MYO3A: variants seen among roughly 807,000 people sequenced by gnomAD.
MYO3A encodes the protein myosin IIIA.
In MYO3A, 180 loss-of-function variants were observed where a neutral mutation model predicts 192.7. That is an observed-to-expected ratio of 0.93 (90% CI 0.83 to 1.06). The LOEUF is 1.06. Among genes scored for constraint, MYO3A ranks in the 50% least tolerant of loss-of-function variants. The pLI is 0.00. For synonymous variants in MYO3A, 628 were observed against 645.3 expected, an observed-to-expected ratio of 0.97 and a Z score of 0.41; for missense variants, 1,896 against 1,905.0, an observed-to-expected ratio of 1.00 and a Z score of 0.09.
chr10:26,015,444 A>G (rs1209910222), intron 6 of MYO3A, among the ~76,000 whole-genome samples: 1 of 152,132 alleles, frequency 6.6e-6, no homozygotes, highest in Non-Finnish European at 1.5e-5. Flanking sequence ...GATTTATGTC[A>G]ATCATTTTAA....
intron 18 of MYO3A, among the ~76,000 whole-genome samples, chr10:26,123,422 A>G (rs1295455408): frequency 6.6e-6 from 1 of 152,228 alleles, no homozygotes; most frequent in Admixed American, 6.5e-5. Flanking sequence ...AACAGAAGTT[A>G]CCAATAAAAA....
intron 30 of MYO3A, among the ~76,000 whole-genome samples, chr10:26,175,659 C>T (rs1327475843): frequency 6.6e-6 from 1 of 152,136 alleles, no homozygotes; most frequent in Non-Finnish European, 1.5e-5. Context: ...TTTAATTTAC[C>T]CATCCCCTTC....
rs566868385 is a variant in MYO3A, at chr10:26,209,321, G to A, written c.4731-2522G>A. Among the ~76,000 whole-genome samples the A allele has an allele frequency of 3.3e-3, 506 of 152,226 alleles. 3 individuals are homozygous for A. The highest frequency in any genetic ancestry group is 0.013 in the South Asian group (63 of 4,818). On this transcript the variant is annotated intron_variant, in intron 34 of 34. Transcript: ENST00000642920. ...CACCTTGAATGTTTGTTCTCTTTAC[G>A]AAATCATTTCTGGCAATTAGTGAAC...
rs568834658 is a variant in MYO3A, at chr10:26,143,288, G to A, written c.2263-160G>A. Among the ~76,000 whole-genome samples the A allele has an allele frequency of 3.9e-5, 6 of 152,196 alleles. No individual in the cohort carries two copies. The South Asian group carries it at 1.2e-3, about 32-fold the overall frequency. ...AGAGGTTGCAGTGAGCCTAGATTGC[G>A]CCAATATACTCCAGCCTGGACGACA... On this transcript the variant is annotated intron_variant, in intron 20 of 34. Transcript: ENST00000642920.
At chr10:26,191,291 T>C (rs898531982) in intron 31 of MYO3A, among the ~76,000 whole-genome samples, 1 of 152,188 alleles carries the variant, frequency 6.6e-6, no homozygotes, top group Non-Finnish European at 1.5e-5. Flanking sequence ...TTTATGATGG[T>C]GGCAAGAATT....
At chr10:25,999,702 G>T (rs964916796) in intron 6 of MYO3A, among the ~76,000 whole-genome samples, 2 of 152,160 alleles carry the variant, frequency 1.3e-5, no homozygotes, top group Non-Finnish European at 2.9e-5. Flanking sequence ...TTAGATAGCT[G>T]TCAGGCACCT....
intron 4 of MYO3A, among the ~76,000 whole-genome samples, chr10:25,963,939 ACATTT>A (rs1305387439): frequency 6.6e-6 from 1 of 152,194 alleles, no homozygotes; most frequent in East Asian, 1.9e-4. Context: ...ATAGGCATGC[ACATTT>A]ATAGTGTTAC....
At chr10:26,122,682 C>G (rs1268909735) in intron 18 of MYO3A, among the ~76,000 whole-genome samples, 1 of 152,094 alleles carries the variant, frequency 6.6e-6, no homozygotes, top group African/African-American at 2.4e-5. Context: ...CTCAGTCTCC[C>G]CCTTTCCCTC....
intron 10 of MYO3A, among the ~76,000 whole-genome samples, chr10:26,048,179 T>G (rs908357359): frequency 1.3e-5 from 2 of 152,202 alleles, no homozygotes; most frequent in Non-Finnish European, 2.9e-5. Context: ...CCTCATTCCT[T>G]ACTGCCAGGA....
intron 20 of MYO3A, among the ~76,000 whole-genome samples, chr10:26,131,186 ATAAC>A (rs1221737763): frequency 6.6e-6 from 1 of 152,264 alleles, no homozygotes; most frequent in Non-Finnish European, 1.5e-5. Context: ...TGGAACATAA[ATAAC>A]AGTCTGCTGA....
At chr10:26,205,608 CTTTTTTTTTTTTTTTT>C (rs576007724) in intron 34 of MYO3A, among the ~76,000 whole-genome samples, 6 of 68,632 alleles carry the variant, frequency 8.7e-5, no homozygotes, top group Non-Finnish European at 1.3e-4. Context: ...CTTTTCTTTT[CTTTTTTTTTTTTTTTT>C]TTTTTTTTTT....
chr10:26,088,332 T>C lies in MYO3A; in HGVS notation c.1489T>C (p.Ser497Pro). Reference sequence around the variant, plus strand: ...AAAATACTTAGAAATGAAATTCACCTCTTCTGGAGCGGTAGTGGGAGCACA... The same window carrying C: ...AAAATACTTAGAAATGAAATTCACCCCTTCTGGAGCGGTAGTGGGAGCACA... ...FGKYLEMKFT[S>P]SGAVVGAQIS... Residue 497 changes from serine to proline, a missense_variant, in exon 15 of 35, where the codon TCT becomes CCT. Physicochemically the swap from Ser to Pro is moderately conservative, Grantham distance 74. Coordinates refer to ENST00000642920, the MANE Select transcript of MYO3A (RefSeq NM_017433.5). 2 of 1,613,924 alleles carry C rather than the reference T, an allele frequency of 1.2e-6. No individual in the cohort carries two copies. Among genetic ancestry groups the C allele is most frequent in the Non-Finnish European group, 1.7e-6 (2 of 1,179,894 alleles).
At chr10:26,047,516 G>A (rs1361818152) in intron 10 of MYO3A, among the ~76,000 whole-genome samples, 11 of 152,198 alleles carry the variant, frequency 7.2e-5, no homozygotes, top group Admixed American at 3.9e-4. Flanking sequence ...GCTCACGCCT[G>A]TAATCCCAGC....
chr10:26,121,364 A>G (rs1268611009), intron 18 of MYO3A, among the ~76,000 whole-genome samples: 3 of 151,996 alleles, frequency 2.0e-5, no homozygotes, highest in African/African-American at 7.2e-5. Context: ...GCTTTTTTCT[A>G]TTTAGTGTTG....
At chr10:25,995,616 T>A (rs1332065819) in intron 4 of MYO3A, among the ~76,000 whole-genome samples, 1 of 152,242 alleles carries the variant, frequency 6.6e-6, no homozygotes, top group Admixed American at 6.5e-5. Flanking sequence ...GTTCTGGTTT[T>A]TCCCCATCTT....
At chr10:25,994,640 G>T (rs1840300888) in intron 4 of MYO3A, among the ~76,000 whole-genome samples, 1 of 152,168 alleles carries the variant, frequency 6.6e-6, no homozygotes, top group Non-Finnish European at 1.5e-5. Flanking sequence ...TTTTGCAGTG[G>T]CTGGTACTGG....
intron 4 of MYO3A, among the ~76,000 whole-genome samples, chr10:25,957,276 G>C (rs930934565): frequency 3.7e-4 from 56 of 152,176 alleles, no homozygotes; most frequent in African/African-American, 1.1e-3. Context: ...GAATAAGTCT[G>C]ATGAGATCTG....
At chr10:26,134,341 A>G (rs1175361962) in intron 20 of MYO3A, among the ~76,000 whole-genome samples, 4 of 152,306 alleles carry the variant, frequency 2.6e-5, no homozygotes, top group Non-Finnish European at 4.4e-5. Context: ...GTGACTTGCT[A>G]TTAACATTAA....
At chr10:25,942,560 G>A (rs576643278) in intron 2 of MYO3A, among the ~76,000 whole-genome samples, 51 of 152,244 alleles carry the variant, frequency 3.3e-4, no homozygotes, top group Non-Finnish European at 5.1e-4. Context: ...CTAGCAATGC[G>A]CAAGAGTTCC....
Sources: gnomAD v4.1 joint callset for allele counts (sites outside exome capture counted in the v4.1 genomes callset) on GRCh38, gnomAD v4.1.1 for gene constraint, MANE v1.5 for transcripts, NCBI Gene and HGNC (gene_info 2026-07-23, HGNC 2026-07-21) for gene names.